Variants in KCNIP4 observed in about 807,000 individuals in gnomAD.
The protein encoded by KCNIP4 is potassium voltage-gated channel interacting protein 4.
In KCNIP4, 12 loss-of-function variants were observed where a neutral mutation model predicts 34.0. That is an observed-to-expected ratio of 0.35 (90% CI 0.23 to 0.57). The LOEUF (loss-of-function observed/expected upper bound fraction) is 0.57. KCNIP4 is among the 20% of genes least tolerant of loss of function. The pLI is 0.83. For synonymous variants in KCNIP4, 124 were observed against 102.2 expected (o/e 1.21, Z -1.29); for missense variants, 238 against 311.7 (o/e 0.76, Z 1.78).
chr4:21,808,386 C>T (rs1721427473), intron 1 of KCNIP4, among the ~76,000 whole-genome samples: 2 of 152,190 alleles, frequency 1.3e-5, no homozygotes, highest in South Asian at 2.1e-4. Context: ...AGAATGAAGA[C>T]CTCTATTATG....
intron 1 of KCNIP4, among the ~76,000 whole-genome samples, chr4:21,203,572 C>G (rs1756641221): frequency 6.6e-6 from 1 of 152,160 alleles, no homozygotes; most frequent in Non-Finnish European, 1.5e-5. Flanking sequence ...CTTGCTGAAC[C>G]TGCATGTTAC....
At chr4:21,854,002 G>C (rs1443477615) in intron 1 of KCNIP4, among the ~76,000 whole-genome samples, 2 of 152,144 alleles carry the variant, frequency 1.3e-5, no homozygotes, top group East Asian at 3.9e-4. Flanking sequence ...TAAGTTCAGT[G>C]ATCACACAGC....
chr4:21,456,831 T>G (rs574561994), intron 1 of KCNIP4, among the ~76,000 whole-genome samples: 1 of 152,192 alleles, frequency 6.6e-6, no homozygotes, highest in Admixed American at 6.5e-5. Context: ...GAATGAATTA[T>G]AGATTAGGGT....
chr4:20,735,809 A>C (rs1292335230), intron 5 of KCNIP4, among the ~76,000 whole-genome samples: 1 of 152,112 alleles, frequency 6.6e-6, no homozygotes, highest in South Asian at 2.1e-4. Flanking sequence ...TGCTGGGATT[A>C]CAGGCGTGAG....
chr4:21,457,830 T>C (rs1238619296), intron 1 of KCNIP4, among the ~76,000 whole-genome samples: 1 of 152,016 alleles, frequency 6.6e-6, no homozygotes, highest in Non-Finnish European at 1.5e-5. Flanking sequence ...GAATACCTTC[T>C]CTAACATGAC....
chr4:21,859,627 CA>C (rs11362553), intron 1 of KCNIP4, among the ~76,000 whole-genome samples: 54,746 of 141,222 alleles, frequency 0.39, 11,406 homozygotes, highest in East Asian at 0.65. Context: ...GACTCCATTT[CA>C]AAAAAAAAAA....
At chr4:21,224,850 G>C (rs1758257851) in intron 1 of KCNIP4, among the ~76,000 whole-genome samples, 1 of 151,942 alleles carries the variant, frequency 6.6e-6, no homozygotes, top group African/African-American at 2.4e-5. Context: ...GCCTACCAAA[G>C]TGCTGAGATT....
At position 20,853,395 on chromosome 4, in the gene KCNIP4, G is replaced by T. The variant is rs56195201; in HGVS notation, c.164-2728C>A. 6.5e-3 allele frequency among the ~76,000 whole-genome samples: 984 copies of T among 152,192 alleles called. 3 individuals carry two copies. The highest frequency in any genetic ancestry group is 0.011 in the Non-Finnish European group (743 of 68,002). On this transcript the variant is annotated intron_variant, in intron 2 of 8. Transcript: ENST00000382152. ...AACAAAAACACAGAGTGGGGGAAAG[G>T]ACACCCTTTTCAACAAATGGTGCTG...
chr4:20,987,117 C>T (rs1266924737), intron 1 of KCNIP4, among the ~76,000 whole-genome samples: 1 of 152,130 alleles, frequency 6.6e-6, no homozygotes. Context: ...TTATCTAGCG[C>T]CACTCTTGGA....
At chr4:21,818,099 C>T (rs1456304249) in intron 1 of KCNIP4, among the ~76,000 whole-genome samples, 2 of 152,146 alleles carry the variant, frequency 1.3e-5, no homozygotes, top group African/African-American at 4.8e-5. Flanking sequence ...TTTTGAGGCT[C>T]AGGCAGGCAT....
intron 1 of KCNIP4, among the ~76,000 whole-genome samples, chr4:20,957,748 A>G (rs1408846270): frequency 6.6e-6 from 1 of 152,218 alleles, no homozygotes; most frequent in Non-Finnish European, 1.5e-5. Flanking sequence ...TAGTTATTTT[A>G]AGTACACTAA....
chr4:21,873,127 A>G lies in KCNIP4; in HGVS notation c.61+75444T>C, dbSNP rs549617385. Among the ~76,000 whole-genome samples the G allele has an allele frequency of 3.9e-5, 6 of 152,346 alleles. No individual in the cohort carries two copies. In the South Asian group the frequency reaches 1.2e-3, roughly 32 times the overall value. On this transcript the variant is annotated intron_variant, in intron 1 of 8. Transcript: ENST00000382152. ...TCAAAGTATGACAGAAGTAGAGAGA[A>G]CCACGTTGTCCAAATAAAACCCAAT... is the stretch of plus-strand genomic sequence containing the variant.
At position 21,519,809 on chromosome 4, in the gene KCNIP4, A is replaced by ATG. The variant is rs555774512; in HGVS notation, c.61+428760_61+428761dup. Among the ~76,000 whole-genome samples the ATG allele has an allele frequency of 6.0e-3, 794 of 132,338 alleles. 20 individuals are homozygous for ATG. Among genetic ancestry groups the ATG allele is most frequent in the African/African-American group, 0.021 (747 of 36,140 alleles). The allele number at this position is 132,338 out of a possible 152,430, so 86.8% of individuals were successfully genotyped here. A position where few individuals can be genotyped will look rare whatever the true frequency, so the allele number is the denominator to read the frequency against. ...TATGTGTGTGTATACACGTGTGTGTATGTGTGTGTATACACACGTGTGTGT... is the reference window on the plus strand; with the variant it reads ...TATGTGTGTGTATACACGTGTGTGTATGTGTGTGTGTATACACACGTGTGTGT... On this transcript the variant is annotated intron_variant, in intron 1 of 8. Transcript: ENST00000382152.
In KCNIP4 at chr4:21,773,741, T is replaced by G. The variant is rs960194888; in HGVS notation, c.61+174830A>C. Among the ~76,000 whole-genome samples the G allele has an allele frequency of 1.9e-3, 43 of 22,090 alleles. 2 individuals are homozygous for G. The highest frequency in any genetic ancestry group is 9.1e-3 in the African/African-American group (33 of 3,642). 14.5% of individuals were successfully genotyped at this position (22,090 alleles called of 152,430 possible). A position where few individuals can be genotyped will look rare whatever the true frequency, so the allele number is the denominator to read the frequency against. On this transcript the variant is annotated intron_variant, in intron 1 of 8. Coordinates refer to ENST00000382152, the MANE Select transcript of KCNIP4 (RefSeq NM_025221.6). ...TAGCATTGCAACCCCTGTTTTTTTT[T>G]GTTGTTTTTTTTTTTTTGTTTGTTT...
chr4:21,850,666 A>T (rs1274845442), intron 1 of KCNIP4: 1 of 152,108 alleles, frequency 6.6e-6, no homozygotes, highest in African/African-American at 2.4e-5. Flanking sequence ...AAAAAAGCTC[A>T]TTTAATTTCA....
At chr4:21,802,634 T>C (rs1238429640) in intron 1 of KCNIP4, among the ~76,000 whole-genome samples, 1 of 152,194 alleles carries the variant, frequency 6.6e-6, no homozygotes, top group African/African-American at 2.4e-5. Flanking sequence ...TACTCATTGT[T>C]GTTTATCTTC....
At chr4:21,402,048 A>G (rs2109556357) in intron 1 of KCNIP4, among the ~76,000 whole-genome samples, 1 of 152,332 alleles carries the variant, frequency 6.6e-6, no homozygotes, top group Non-Finnish European at 1.5e-5. Context: ...AACTTGAATG[A>G]GGCATTAAAG....
chr4:21,538,786 C>T (rs554640899), intron 1 of KCNIP4, among the ~76,000 whole-genome samples: 65 of 152,290 alleles, frequency 4.3e-4, no homozygotes, highest in African/African-American at 1.4e-3. Flanking sequence ...GGTATGTTCT[C>T]TATATGAATG....
At chr4:21,154,018 T>C (rs1016889683) in intron 1 of KCNIP4, among the ~76,000 whole-genome samples, 9 of 152,134 alleles carry the variant, frequency 5.9e-5, no homozygotes, top group African/African-American at 2.2e-4. Flanking sequence ...AGAAATACAT[T>C]GACTGGCTTG....
Sources: gnomAD v4.1 joint callset for allele counts (sites outside exome capture counted in the v4.1 genomes callset) on GRCh38, gnomAD v4.1.1 for gene constraint, MANE v1.5 for transcripts, NCBI Gene and HGNC (gene_info 2026-07-23, HGNC 2026-07-21) for gene names.